The following CHL1 variants were observed in gnomAD, a reference collection of about 807,000 sequenced individuals.
CHL1 encodes the protein neural cell adhesion molecule L1-like protein.
In CHL1, 96 loss-of-function variants were observed where a neutral mutation model predicts 141.9. The ratio of observed to expected loss-of-function variants is 0.68; its 90% CI spans 0.57 to 0.80. The LOEUF (loss-of-function observed/expected upper bound fraction) is 0.80. Among genes scored for constraint, CHL1 ranks in the 30% least tolerant of loss-of-function variants. The pLI, the probability that CHL1 is intolerant of heterozygous loss-of-function variation, is 0.00. For missense variants in CHL1, 1,820 were observed against 1,457.2 expected (o/e 1.25, Z -4.05); for synonymous variants, 613 against 502.2 (o/e 1.22, Z -2.95).
chr3:382,146 A>G (rs1412823089), intron 16 of CHL1, 33 bp from the exon 17 acceptor site: 13 of 1,564,296 alleles, frequency 8.3e-6, no homozygotes, highest in Non-Finnish European at 1.1e-5. Context: ...AACAAAGGCA[A>G]TTATCTACAT....
chr3:207,737 C>T (rs983555077), intron 1 of CHL1, among the ~76,000 whole-genome samples: 1 of 152,114 alleles, frequency 6.6e-6, no homozygotes, highest in African/African-American at 2.4e-5. Context: ...TAAATTTGAC[C>T]TTGACCCCAT....
At chr3:203,866 A>G (rs1699173413) in intron 1 of CHL1, among the ~76,000 whole-genome samples, 1 of 152,208 alleles carries the variant, frequency 6.6e-6, no homozygotes, top group African/African-American at 2.4e-5. Context: ...AAGGCAGAAA[A>G]GGGATCTGAA....
At chr3:274,927 G>A (rs571408242) in intron 2 of CHL1, among the ~76,000 whole-genome samples, 2 of 152,212 alleles carry the variant, frequency 1.3e-5, no homozygotes, top group Non-Finnish European at 2.9e-5. Flanking sequence ...TCTGGTGGAC[G>A]CATGTAGCTT....
intron 1 of CHL1, among the ~76,000 whole-genome samples, chr3:220,180 G>A (rs1700707428): frequency 6.6e-6 from 1 of 152,166 alleles, no homozygotes; most frequent in Non-Finnish European, 1.5e-5. Flanking sequence ...CTGACATGAT[G>A]GGAATACTGT....
intron 2 of CHL1, among the ~76,000 whole-genome samples, chr3:256,493 T>A (rs1694188194): frequency 6.6e-6 from 1 of 152,202 alleles, no homozygotes; most frequent in Non-Finnish European, 1.5e-5. Flanking sequence ...GATTTCGCCC[T>A]TCAGGAGCAT....
chr3:363,421 C>T (rs1267711478), intron 14 of CHL1, 38 bp downstream of exon 14: 1 of 1,560,830 alleles, frequency 6.4e-7, no homozygotes. Flanking sequence ...TGAATTGTCA[C>T]ATGGGTTCAG....
At position 365,983 on chromosome 3, in the gene CHL1, C is replaced by T. The variant is rs542132907; in HGVS notation, c.1619C>T (p.Pro540Leu). ...AAACTTAGAGTTTCTCCTAAGAATC[C>T]TCGTATCCCCAAATTGCATATGCTT... Reference protein sequence around the residue: ...ATKLRVSPKNPRIPKLHMLEL... With the variant: ...ATKLRVSPKNLRIPKLHMLEL... Residue 540 changes from proline to leucine, a missense_variant, in exon 15 of 28, where the codon CCT becomes CTT. By Grantham distance (98) the Pro-to-Leu change is moderately conservative. Coordinates refer to ENST00000256509, the MANE Select transcript of CHL1 (RefSeq NM_006614.4). The T allele has an allele frequency of 6.0e-5, 96 of 1,613,308 alleles. 1 individual carries two copies. In the South Asian group the frequency reaches 9.9e-4, roughly 17 times the overall value.
At chr3:322,001 T>A (rs999018206) in intron 3 of CHL1, among the ~76,000 whole-genome samples, 2 of 152,086 alleles carry the variant, frequency 1.3e-5, no homozygotes, top group Admixed American at 6.6e-5. Context: ...TAGGAAAGAA[T>A]AATGTTCTAA....
chr3:391,999 C>A (rs896715816), intron 23 of CHL1, among the ~76,000 whole-genome samples: 2 of 152,154 alleles, frequency 1.3e-5, no homozygotes, highest in Non-Finnish European at 2.9e-5. Flanking sequence ...AGTTTTATGA[C>A]GACATGGCCA....
chr3:342,956 GT>G (rs778846195), intron 7 of CHL1, 27 bp from the exon 8 acceptor site: 2 of 1,581,848 alleles, frequency 1.3e-6, no homozygotes, highest in East Asian at 2.3e-5. Flanking sequence ...TTATGTTTGT[GT>G]TTTTTCCTTC....
At chr3:208,701 C>T (rs974378897) in intron 1 of CHL1, among the ~76,000 whole-genome samples, 5 of 152,076 alleles carry the variant, frequency 3.3e-5, no homozygotes, top group Non-Finnish European at 5.9e-5. Flanking sequence ...TGTGTACCTG[C>T]GTGAGGGTGG....
At chr3:248,204 T>C (rs1265054731) in intron 2 of CHL1, 2 of 152,234 alleles carry the variant, frequency 1.3e-5, no homozygotes, top group East Asian at 1.9e-4. Flanking sequence ...TGGAGTTTTA[T>C]TGAAGTTGCT....
At chr3:230,392 A>G (rs1254677366) in intron 1 of CHL1, among the ~76,000 whole-genome samples, 1 of 152,170 alleles carries the variant, frequency 6.6e-6, no homozygotes, top group Non-Finnish European at 1.5e-5. Context: ...CATTCATAAC[A>G]AACCACCAGC....
At chr3:244,383 T>G (rs188446295) in intron 1 of CHL1, among the ~76,000 whole-genome samples, 1 of 152,268 alleles carries the variant, frequency 6.6e-6, no homozygotes, top group African/African-American at 2.4e-5. Flanking sequence ...GTGGCTGCTT[T>G]TTGCATGCCT....
chr3:268,464 G>A (rs1332302104), intron 2 of CHL1, among the ~76,000 whole-genome samples: 2 of 152,142 alleles, frequency 1.3e-5, no homozygotes, highest in Non-Finnish European at 2.9e-5. Flanking sequence ...GAACCTGGGA[G>A]GCAGAGGCTG....
intron 3 of CHL1, among the ~76,000 whole-genome samples, chr3:323,502 T>A (rs1288146266): frequency 6.6e-6 from 1 of 152,140 alleles, no homozygotes; most frequent in African/African-American, 2.4e-5. Flanking sequence ...TGGTACACAG[T>A]ATGAAAAGTT....
At chr3:382,433 C>G (rs371224106) in intron 17 of CHL1, 41 bp from the exon 18 acceptor site, 12 of 1,547,854 alleles carry the variant, frequency 7.8e-6, no homozygotes, top group African/African-American at 2.7e-5. Context: ...CTTATCCATA[C>G]TCCATACATT....
At chr3:304,341 G>T (rs1699033288) in intron 2 of CHL1, among the ~76,000 whole-genome samples, 3 of 152,162 alleles carry the variant, frequency 2.0e-5, no homozygotes, top group Admixed American at 6.5e-5. Flanking sequence ...TGTACCTCTG[G>T]TAGAATACGG....
chr3:311,974 T>C (rs182677308), intron 2 of CHL1, among the ~76,000 whole-genome samples: 3 of 152,286 alleles, frequency 2.0e-5, no homozygotes, highest in Non-Finnish European at 2.9e-5. Flanking sequence ...TGTGAAACAA[T>C]TTGAATTAGA....
Sources: gnomAD v4.1 joint callset for allele counts (sites outside exome capture counted in the v4.1 genomes callset) on GRCh38, gnomAD v4.1.1 for gene constraint, MANE v1.5 for transcripts, NCBI Gene and HGNC (gene_info 2026-07-23, HGNC 2026-07-21) for gene names.